Variants in GPBP1 observed in about 807,000 individuals in gnomAD.
The protein encoded by GPBP1 is vasculin.
A neutral mutation model predicts 56.5 loss-of-function variants in GPBP1; 13 were observed. That is an observed-to-expected ratio of 0.23 (90% CI 0.15 to 0.37). The LOEUF (loss-of-function observed/expected upper bound fraction) is 0.37, where lower values mean the gene tolerates loss of function less well. Ranked by LOEUF, GPBP1 falls within the 10% of genes least tolerant of loss-of-function variation. The probability of loss-of-function intolerance (pLI) is 1.00; values close to 1 mark genes in which losing one functional copy is unlikely to be tolerated. For synonymous variants in GPBP1, 204 were observed against 188.9 expected (o/e 1.08, Z -0.66); for missense variants, 477 against 572.3 (o/e 0.83, Z 1.70).
intron 2 of GPBP1, among the ~76,000 whole-genome samples, chr5:57,210,087 A>C (rs1453502378): frequency 2.0e-5 from 3 of 152,194 alleles, no homozygotes; most frequent in African/African-American, 7.2e-5. Context: ...ACGTGGCACA[A>C]ATTTGGTAGG....
At chr5:57,180,629 G>C (rs771716667) in intron 2 of GPBP1, among the ~76,000 whole-genome samples, 23 of 152,280 alleles carry the variant, frequency 1.5e-4, no homozygotes, top group Admixed American at 1.4e-3. Context: ...AAATGCCTGT[G>C]TGACTGTATG....
At chr5:57,203,962 T>G (rs1162261633) in intron 2 of GPBP1, among the ~76,000 whole-genome samples, 3 of 152,184 alleles carry the variant, frequency 2.0e-5, no homozygotes, top group African/African-American at 7.2e-5. Flanking sequence ...AGGTGTTTTC[T>G]TCTTTGAATA....
At chr5:57,212,621 T>G (rs2111756772) in intron 2 of GPBP1, among the ~76,000 whole-genome samples, 1 of 152,222 alleles carries the variant, frequency 6.6e-6, no homozygotes, top group African/African-American at 2.4e-5. Context: ...CTAGTTGTAT[T>G]TGTTTTTTAT....
chr5:57,220,304 G>T (rs1000303037), intron 3 of GPBP1, among the ~76,000 whole-genome samples: 1 of 151,824 alleles, frequency 6.6e-6, no homozygotes, highest in African/African-American at 2.4e-5. Context: ...GTTAACGTGC[G>T]TTGAAATTCT....
At chr5:57,246,208 A>G in intron 6 of GPBP1, 92 bp from the exon 7 acceptor site, 2 of 999,382 alleles carry the variant, frequency 2.0e-6, no homozygotes, top group Non-Finnish European at 2.9e-6. Flanking sequence ...AAAAAAAAAA[A>G]AAAATTTGGA....
intron 2 of GPBP1, among the ~76,000 whole-genome samples, chr5:57,189,470 C>A (rs989812308): frequency 6.6e-6 from 1 of 152,170 alleles, no homozygotes; most frequent in Non-Finnish European, 1.5e-5. Flanking sequence ...GTTGGACAGG[C>A]AGGTCTCGAA....
chr5:57,211,385 T>TA (rs1755469349), intron 2 of GPBP1, among the ~76,000 whole-genome samples: 1 of 151,880 alleles, frequency 6.6e-6, no homozygotes, highest in African/African-American at 2.4e-5. Context: ...ACGGGAGTCT[T>TA]ACCATGTTGC....
In GPBP1 at chr5:57,230,914, TCGA is replaced by T. The variant is rs1416732302; in HGVS notation, c.137_139del (p.Arg46del). On this transcript the variant is annotated inframe_deletion, in exon 4 of 12. Coordinates refer to ENST00000506184, the MANE Select transcript of GPBP1 (RefSeq NM_022913.4). ...CAGAGAATCGTTATGATGTGAACCGTCGACGACACAACTCTTCAGATGGCTTTG... is the reference window on the plus strand; with the variant it reads ...CAGAGAATCGTTATGATGTGAACCGTCGACACAACTCTTCAGATGGCTTTG... The T allele has an allele frequency of 6.2e-7, 1 of 1,612,866 alleles. No homozygotes were observed. Among genetic ancestry groups the T allele is most frequent in the East Asian group, 2.2e-5 (1 of 44,872 alleles).
chr5:57,231,216 C>G lies in GPBP1; in HGVS notation c.306C>G (p.Phe102Leu). The G allele has an allele frequency of 6.2e-7, 1 of 1,614,080 alleles. No individual in the cohort carries two copies. Residue 102 changes from phenylalanine (F) to leucine (L), a missense_variant, in exon 5 of 12, where the codon TTC becomes TTG. This residue lies in a region of GPBP1 where 414 missense variants were observed against 458.2 expected (regional missense o/e 0.90). Transcript: ENST00000506184. ...GTTCCCGTTCTCGTAGCAGTATTTT[C>G]CATGCAGGAAAAAGCCAAGGACTAC... is the stretch of plus-strand genomic sequence containing the variant. ...GGSSRSRSSI[F>L]HAGKSQGLHE... is the part of the protein sequence containing the mutation.
chr5:57,189,554 A>C (rs1390657547), intron 2 of GPBP1, among the ~76,000 whole-genome samples: 1 of 35,624 alleles, frequency 2.8e-5, no homozygotes, highest in East Asian at 3.0e-4. Flanking sequence ...CACTGCGCTC[A>C]GCCCACTTTT....
At chr5:57,194,337 A>G (rs1754656772) in intron 2 of GPBP1, among the ~76,000 whole-genome samples, 1 of 152,186 alleles carries the variant, frequency 6.6e-6, no homozygotes, top group South Asian at 2.1e-4. Context: ...TCTAGTGCTA[A>G]TGAGGTGTAT....
At chr5:57,262,556 T>A in intron 11 of GPBP1, 38 bp from the exon 12 acceptor site, 1 of 1,478,060 alleles carries the variant, frequency 6.8e-7, no homozygotes, top group Non-Finnish European at 9.4e-7. Context: ...TTGTAACTCT[T>A]GAGGGATAAT....
intron 3 of GPBP1, among the ~76,000 whole-genome samples, chr5:57,220,928 A>G (rs1187606548): frequency 2.6e-5 from 4 of 152,200 alleles, no homozygotes; most frequent in East Asian, 3.8e-4. Context: ...GTTTTCTGCC[A>G]TAGACTTTTG....
At chr5:57,218,669 C>T (rs1755801182) in intron 3 of GPBP1, among the ~76,000 whole-genome samples, 1 of 152,126 alleles carries the variant, frequency 6.6e-6, no homozygotes, top group South Asian at 2.1e-4. Flanking sequence ...CTTGAGTTAT[C>T]ACAGGGACTT....
intron 2 of GPBP1, among the ~76,000 whole-genome samples, chr5:57,181,566 G>A (rs1754050072): frequency 6.6e-6 from 1 of 150,950 alleles, no homozygotes; most frequent in Non-Finnish European, 1.5e-5. Context: ...TGGAGCCCAG[G>A]AGTTTGAAAC....
At chr5:57,188,774 T>C (rs1754397103) in intron 2 of GPBP1, among the ~76,000 whole-genome samples, 1 of 152,106 alleles carries the variant, frequency 6.6e-6, no homozygotes, top group Admixed American at 6.6e-5. Flanking sequence ...ACAGTCTTAC[T>C]TCCTAGCCCC....
intron 10 of GPBP1, among the ~76,000 whole-genome samples, chr5:57,260,513 C>T (rs1314545004): frequency 6.6e-6 from 1 of 152,142 alleles, no homozygotes; most frequent in Non-Finnish European, 1.5e-5. Flanking sequence ...TGATGTCTTA[C>T]CTTTGTGGTG....
chr5:57,262,801 C>T lies in GPBP1; in HGVS notation c.*49C>T, dbSNP rs1387237263. ...ATCTTAGTGTGATACATCTCTCATA[C>T]AGTTTGGGGTGAATTGTAAAAATGA... On this transcript the variant is annotated 3_prime_UTR_variant, in exon 12 of 12. Transcript: ENST00000506184. 1 of 1,500,486 alleles carries T rather than the reference C, an allele frequency of 6.7e-7. No homozygotes were observed. The highest frequency in any genetic ancestry group is 1.2e-5 in the South Asian group (1 of 84,908). 92.9% of individuals were successfully genotyped at this position (1,500,486 alleles called of 1,614,324 possible).
rs989242823 is a variant in GPBP1, at chr5:57,174,386, C to T, written c.-1011+175C>T. ...AGAGGGGGGAGAGGCGCAGATAGGC[C>T]CCTCTAGGTATTGACTCGGCCCGGG... On this transcript the variant is annotated intron_variant, in intron 1 of 11. Coordinates refer to ENST00000506184, the MANE Select transcript of GPBP1 (RefSeq NM_022913.4). Among the ~76,000 whole-genome samples the T allele has an allele frequency of 4.0e-5, 6 of 151,810 alleles. No individual in the cohort carries two copies. In the South Asian group the frequency reaches 1.2e-3, roughly 32 times the overall value.
Sources: allele counts gnomAD v4.1 joint callset (sites outside exome capture counted in the v4.1 genomes callset), GRCh38; gene constraint gnomAD v4.1.1; regional missense constraint gnomAD v4.1.1; transcripts MANE v1.5; gene names NCBI Gene and HGNC (gene_info 2026-07-23, HGNC 2026-07-21).